The following KLHL7 variants were observed in gnomAD, a reference collection of about 807,000 sequenced individuals.
KLHL7 encodes the protein kelch like family member 7.
KLHL7 carries 44 observed loss-of-function variants against 67.4 expected under a neutral mutation model. That is an observed-to-expected ratio of 0.65 (90% CI 0.51 to 0.84). The LOEUF is 0.84. Ranked by LOEUF, KLHL7 falls within the 40% of genes least tolerant of loss-of-function variation. The pLI is 0.00. For missense variants in KLHL7, 362 were observed against 718.1 expected, an observed-to-expected ratio of 0.50 and a Z score of 5.67; for synonymous variants, 252 against 243.3, an observed-to-expected ratio of 1.04 and a Z score of -0.33.
intron 1 of KLHL7, among the ~76,000 whole-genome samples, chr7:23,119,284 A>G (rs1371227428): frequency 6.6e-6 from 1 of 152,086 alleles, no homozygotes; most frequent in Non-Finnish European, 1.5e-5. Flanking sequence ...TGCTCACTGC[A>G]GCCTCTGTCT....
chr7:23,177,612 T>C lies in KLHL7; in HGVS notation c.*3314T>C, dbSNP rs565531107. 6.6e-6 allele frequency: 1 copy of C among 152,350 alleles called. No individual in the cohort carries two copies. Among genetic ancestry groups the C allele is most frequent in the African/African-American group, 2.4e-5 (1 of 41,580 alleles). The allele number at this position is 152,350 out of a possible 1,614,324, so 9.4% of individuals were successfully genotyped here. A position where few individuals can be genotyped will look rare whatever the true frequency, so the allele number is the denominator to read the frequency against. On this transcript the variant is annotated 3_prime_UTR_variant, in exon 11 of 11. Transcript: ENST00000339077. ...CAAAACTCCCTGTCCTGTAAAGTGC[T>C]CTGCTTGCTTTTTAGTAGACATTTG...
intron 1 of KLHL7, among the ~76,000 whole-genome samples, chr7:23,116,069 T>G (rs748698302): frequency 6.6e-6 from 1 of 152,268 alleles, no homozygotes; most frequent in Non-Finnish European, 1.5e-5. Context: ...GAGAGTGATT[T>G]ACATTTGTAG....
intron 4 of KLHL7, among the ~76,000 whole-genome samples, chr7:23,134,624 G>A (rs925846508): frequency 2.0e-5 from 3 of 152,020 alleles, no homozygotes; most frequent in Admixed American, 6.5e-5. Context: ...ATAGCTTCAA[G>A]GTCATTACTT....
At chr7:23,132,266 C>T (rs992105662) in intron 4 of KLHL7, among the ~76,000 whole-genome samples, 1 of 152,190 alleles carries the variant, frequency 6.6e-6, no homozygotes, top group Non-Finnish European at 1.5e-5. Context: ...TTTACATTTC[C>T]ACCAACAGTG....
intron 9 of KLHL7, among the ~76,000 whole-genome samples, chr7:23,170,177 G>C (rs1281277427): frequency 6.6e-6 from 1 of 152,210 alleles, no homozygotes; most frequent in African/African-American, 2.4e-5. Flanking sequence ...TCGTGCCATT[G>C]CACTGCAGCC....
chr7:23,130,799 A>G (rs1350831688), intron 4 of KLHL7, among the ~76,000 whole-genome samples: 2 of 152,212 alleles, frequency 1.3e-5, no homozygotes, highest in African/African-American at 4.8e-5. Flanking sequence ...AGAAAGAAAG[A>G]AAAAAGATTA....
intron 1 of KLHL7, among the ~76,000 whole-genome samples, chr7:23,120,045 TC>T (rs1783267606): frequency 6.6e-6 from 1 of 152,202 alleles, no homozygotes; most frequent in Non-Finnish European, 1.5e-5. Context: ...TGAGTCTCAC[TC>T]TCACCCAGGC....
At chr7:23,163,113 C>T (rs143838597) in intron 7 of KLHL7, among the ~76,000 whole-genome samples, 5 of 152,036 alleles carry the variant, frequency 3.3e-5, no homozygotes, top group Non-Finnish European at 5.9e-5. Context: ...GATCTTTTGC[C>T]TTGAGGCATT....
At chr7:23,133,247 G>A (rs954706610) in intron 4 of KLHL7, among the ~76,000 whole-genome samples, 1 of 151,982 alleles carries the variant, frequency 6.6e-6, no homozygotes, top group Non-Finnish European at 1.5e-5. Context: ...GGACATTTTA[G>A]CAATATTGAT....
intron 7 of KLHL7, among the ~76,000 whole-genome samples, chr7:23,153,667 G>A (rs1290932271): frequency 2.6e-5 from 4 of 152,180 alleles, no homozygotes. Context: ...AGAATTTGGG[G>A]CATGCTCTGA....
chr7:23,164,492 T>G (rs974637175), intron 7 of KLHL7, among the ~76,000 whole-genome samples: 3 of 152,212 alleles, frequency 2.0e-5, no homozygotes, highest in Non-Finnish European at 4.4e-5. Context: ...TGAAAATATT[T>G]TCCCCCAGTT....
At chr7:23,166,210 A>C (rs1165519540) in intron 8 of KLHL7, among the ~76,000 whole-genome samples, 4 of 152,178 alleles carry the variant, frequency 2.6e-5, no homozygotes, top group Admixed American at 6.5e-5. Flanking sequence ...TTATAGTTCT[A>C]AATTATTTGG....
chr7:23,131,936 A>C (rs888611720), intron 4 of KLHL7, among the ~76,000 whole-genome samples: 1 of 152,106 alleles, frequency 6.6e-6, no homozygotes, highest in Non-Finnish European at 1.5e-5. Context: ...TATTTCACTT[A>C]ACATAATTAT....
intron 1 of KLHL7, among the ~76,000 whole-genome samples, chr7:23,121,873 G>A (rs1014117569): frequency 3.3e-5 from 5 of 151,846 alleles, no homozygotes; most frequent in African/African-American, 4.8e-5. Flanking sequence ...TAGTAGAGGC[G>A]GGATTTCACT....
Position 23,176,868 on chromosome 7 carries a change from G to A in KLHL7, c.*2570G>A, listed in dbSNP as rs1292531097. The A allele has an allele frequency of 6.6e-6, 1 of 152,248 alleles. No individual in the cohort carries two copies. Among genetic ancestry groups the A allele is most frequent in the Non-Finnish European group, 1.5e-5 (1 of 68,172 alleles). The allele number at this position is 152,248 out of a possible 1,614,324, so 9.4% of individuals were successfully genotyped here. ...GTGCACCTGTAGTCCCAGCTACTCA[G>A]GAGGCTGAGGTAGGAGAATTGCTTG... On this transcript the variant is annotated 3_prime_UTR_variant, in exon 11 of 11. Transcript: ENST00000339077.
At chr7:23,173,768 A>G (rs1282239846) in intron 10 of KLHL7, among the ~76,000 whole-genome samples, 1 of 152,212 alleles carries the variant, frequency 6.6e-6, no homozygotes, top group Non-Finnish European at 1.5e-5. Context: ...TCCAGAATAG[A>G]TAAAACATGT....
At chr7:23,128,988 A>T (rs1783691651) in intron 4 of KLHL7, among the ~76,000 whole-genome samples, 1 of 152,164 alleles carries the variant, frequency 6.6e-6, no homozygotes, top group African/African-American at 2.4e-5. Flanking sequence ...CCATTTACTG[A>T]TGGGTGAATG....
At chr7:23,154,628 G>T (rs1254311409) in intron 7 of KLHL7, among the ~76,000 whole-genome samples, 1 of 152,190 alleles carries the variant, frequency 6.6e-6, no homozygotes. Flanking sequence ...CCTTGGGAAG[G>T]TGAGATGGTC....
chr7:23,152,214 C>G lies in KLHL7; in HGVS notation c.936+5C>G, dbSNP rs1239656933. The G allele has an allele frequency of 1.2e-6, 2 of 1,613,484 alleles. No individual in the cohort carries two copies. Among genetic ancestry groups the G allele is most frequent in the East Asian group, 4.5e-5 (2 of 44,878 alleles). ...TGTAGATATTTTAACCCAAAGGTAA[C>G]TAATTTTTATTCTTGGTTTTTGTTG... On this transcript the variant is annotated splice_donor_5th_base_variant and intron_variant, in intron 7 of 10. Transcript: ENST00000339077.
Sources: gnomAD v4.1 joint callset for allele counts (sites outside exome capture counted in the v4.1 genomes callset) on GRCh38, gnomAD v4.1.1 for gene constraint, MANE v1.5 for transcripts, NCBI Gene and HGNC (gene_info 2026-07-23, HGNC 2026-07-21) for gene names.